Variants in STARD9 observed in about 807,000 individuals in gnomAD.
STARD9 encodes stAR-related lipid transfer protein 9.
Under a neutral mutation model 399.8 loss-of-function variants are expected in STARD9, and 346 were observed. That is an observed-to-expected ratio of 0.87 (90% CI 0.79 to 0.95). The LOEUF (loss-of-function observed/expected upper bound fraction) is 0.95, where lower values mean the gene tolerates loss of function less well. STARD9 is among the 40% of genes least tolerant of loss of function. The probability of loss-of-function intolerance (pLI) is 0.00; values close to 1 mark genes in which losing one functional copy is unlikely to be tolerated. For missense variants in STARD9, 5,832 were observed against 5,667.5 expected (o/e 1.03, Z -0.93); for synonymous variants, 2,203 against 2,143.5 (o/e 1.03, Z -0.77).
intron 7 of STARD9, 95 bp downstream of exon 7, chr15:42,638,907 A>AG (rs2059477571): frequency 1.5e-6 from 1 of 651,866 alleles, no homozygotes; most frequent in South Asian, 2.2e-5. Context: ...TGTAATGAAC[A>AG]CTTATCGTGT....
chr15:42,584,654 G>A (rs1481406493), intron 2 of STARD9, among the ~76,000 whole-genome samples: 1 of 152,136 alleles, frequency 6.6e-6, no homozygotes, highest in Non-Finnish European at 1.5e-5. Flanking sequence ...AGTACCTGGA[G>A]GTCAGTGCAA....
In STARD9 at chr15:42,695,880, G is replaced by T. The variant is rs746694618; in HGVS notation, c.13284G>T (p.Met4428Ile). 1.3e-6 allele frequency: 2 copies of T among 1,536,986 alleles called. No homozygotes were observed. ...GCCAGCTCCAGTTCCCAGAGAATAT[G>T]GTGAGTAGGCAGATGTTGGGAATGA... Reference protein sequence around the residue: ...LSGQLQFPENMGHTNLPDSRD... With the variant: ...LSGQLQFPENIGHTNLPDSRD... Residue 4428 changes from methionine to isoleucine, a missense_variant and splice_region_variant, in exon 26 of 33, where the codon ATG (methionine) becomes ATT (isoleucine). Physicochemically the swap from Met to Ile is conservative, Grantham distance 10 (BLOSUM62 1). Around this residue, in one of 2 missense-constraint regions of STARD9, gnomAD observed 5,828 missense variants for 5,651.1 expected, o/e 1.03. Transcript: ENST00000290607.
At position 42,686,067 on chromosome 15, in the gene STARD9, T is replaced by G. The variant is rs1453064534; in HGVS notation, c.4489T>G (p.Cys1497Gly). The change falls in exon 23 of 33, where the codon TGT (cysteine) becomes GGT (glycine). Residue 1497 changes from cysteine to glycine, a missense_variant. This residue lies in a region of STARD9 where 5,828 missense variants were observed against 5,651.1 expected (regional missense o/e 1.03). Coordinates refer to ENST00000290607, the MANE Select transcript of STARD9 (RefSeq NM_020759.3). ...LQQKYLLELSCPVLEAIGAPK... is the reference protein window; with the variant it reads ...LQQKYLLELSGPVLEAIGAPK... ...GCAGAAGTACCTCCTTGAACTCTCTTGTCCTGTTTTGGAGGCCATAGGAGC... is the reference window on the plus strand; with the variant it reads ...GCAGAAGTACCTCCTTGAACTCTCTGGTCCTGTTTTGGAGGCCATAGGAGC... The G allele has an allele frequency of 1.3e-6, 2 of 1,537,230 alleles. No individual in the cohort carries two copies. The highest frequency in any genetic ancestry group is 1.2e-5 in the South Asian group (1 of 84,058).
At chr15:42,719,442 G>C (rs2061412341) in intron 32 of STARD9, 31 bp from the exon 33 acceptor site, 1 of 1,409,544 alleles carries the variant, frequency 7.1e-7, no homozygotes, top group South Asian at 1.2e-5. Flanking sequence ...AAATCTATTT[G>C]CACCTTAAAT....
intron 4 of STARD9, among the ~76,000 whole-genome samples, chr15:42,637,057 T>G (rs2059432951): frequency 7.5e-6 from 1 of 133,380 alleles, no homozygotes; most frequent in African/African-American, 2.8e-5. Context: ...AGAGTGAAAC[T>G]CCATTTCAAA....
intron 3 of STARD9, among the ~76,000 whole-genome samples, chr15:42,625,496 A>T (rs1177065996): frequency 2.0e-5 from 3 of 149,874 alleles, no homozygotes; most frequent in Admixed American, 2.0e-4. Flanking sequence ...ACTCCCGGCT[A>T]ATTTTTATAT....
intron 3 of STARD9, among the ~76,000 whole-genome samples, chr15:42,631,333 G>A (rs2059327838): frequency 6.6e-6 from 1 of 152,090 alleles, no homozygotes; most frequent in Non-Finnish European, 1.5e-5. Flanking sequence ...TGTAGTCCTA[G>A]TACTTTGTGA....
chr15:42,669,406 G>A (rs1318825515), intron 16 of STARD9, 69 bp downstream of exon 16: 11 of 1,341,886 alleles, frequency 8.2e-6, no homozygotes, highest in Non-Finnish European at 1.1e-5. Flanking sequence ...GAAAAGCTAG[G>A]AGCAGCAGCC....
At chr15:42,719,248 G>A (rs774749070) in intron 32 of STARD9, among the ~76,000 whole-genome samples, 1 of 152,124 alleles carries the variant, frequency 6.6e-6, no homozygotes, top group Non-Finnish European at 1.5e-5. Flanking sequence ...ATGACCTGTT[G>A]GGTTCACCTC....
At position 42,663,470 on chromosome 15, in the gene STARD9, C is replaced by G; in HGVS notation, c.1058C>G (p.Ser353Cys). 1 of 1,537,334 alleles carries G rather than the reference C, an allele frequency of 6.5e-7. No homozygotes were observed. The highest frequency in any genetic ancestry group is 8.7e-7 in the Non-Finnish European group (1 of 1,146,912). The change falls in exon 12 of 33, where the codon TCT becomes TGT. Residue 353 changes from serine (S) to cysteine (C), a missense_variant. Around this residue, in one of 2 missense-constraint regions of STARD9, gnomAD observed 5,828 missense variants for 5,651.1 expected, o/e 1.03. Coordinates refer to ENST00000290607, the MANE Select transcript of STARD9 (RefSeq NM_020759.3). ...CTGAAGGACAGCCTTGGAGGCAACT[C>G]TAAAACCATCATGGTTGCCAGTGAG... ...WLLKDSLGGNSKTIMVATVSP... is the reference protein window; with the variant it reads ...WLLKDSLGGNCKTIMVATVSP...
intron 22 of STARD9, among the ~76,000 whole-genome samples, chr15:42,683,816 A>G (rs1483882374): frequency 6.6e-6 from 1 of 152,224 alleles, no homozygotes; most frequent in Non-Finnish European, 1.5e-5. Flanking sequence ...GTTCCTCATA[A>G]TACCATTTAA....
At chr15:42,665,481 C>A (rs1487270088) in intron 14 of STARD9, among the ~76,000 whole-genome samples, 151 bp downstream of exon 14, 21 of 152,206 alleles carry the variant, frequency 1.4e-4, no homozygotes. Flanking sequence ...ACAGAGATTT[C>A]TCTGATTTCT....
chr15:42,668,801 A>G (rs2060151395), intron 15 of STARD9, among the ~76,000 whole-genome samples: 1 of 152,232 alleles, frequency 6.6e-6, no homozygotes, highest in Non-Finnish European at 1.5e-5. Context: ...GGGTGGGGAA[A>G]GGGAAATTAT....
At position 42,651,037 on chromosome 15, in the gene STARD9, C is replaced by T. The variant is rs776588582; in HGVS notation, c.581C>T (p.Thr194Ile). 10 of 1,533,594 alleles carry T rather than the reference C, an allele frequency of 6.5e-6. No homozygotes were observed. The South Asian group carries it at 9.6e-5, about 15-fold the overall frequency. The allele number at this position is 1,533,594 out of a possible 1,614,324, so 95.0% of individuals were successfully genotyped here. ...YVQGLSQHVVTNYKQVIQLLE... is the reference protein window; with the variant it reads ...YVQGLSQHVVINYKQVIQLLE... Reference sequence around the variant, plus strand: ...ATAGGTTTATCTCAACATGTAGTTACCAATTATAAGCAAGTAATCCAACTC... The same window carrying T: ...ATAGGTTTATCTCAACATGTAGTTATCAATTATAAGCAAGTAATCCAACTC... The change falls in exon 8 of 33, where the codon ACC becomes ATC. Residue 194 changes from threonine to isoleucine, a missense_variant. Thr to Ile is a moderately conservative substitution (Grantham distance 89, BLOSUM62 -1). Coordinates refer to ENST00000290607, the MANE Select transcript of STARD9 (RefSeq NM_020759.3).
At chr15:42,719,386 A>G (rs1322150089) in intron 32 of STARD9, 87 bp from the exon 33 acceptor site, 6 of 830,770 alleles carry the variant, frequency 7.2e-6, no homozygotes, top group South Asian at 1.6e-5. Context: ...CCATCACCAC[A>G]GGCTGAGGGG....
chr15:42,646,764 G>A (rs34070722), intron 7 of STARD9, among the ~76,000 whole-genome samples: 47,925 of 152,208 alleles, frequency 0.31, 10,741 homozygotes, highest in African/African-American at 0.63. Context: ...CTGGCCAACT[G>A]TTGGGCGCAA....
At chr15:42,620,079 C>T (rs1245289329) in intron 3 of STARD9, among the ~76,000 whole-genome samples, 1 of 152,094 alleles carries the variant, frequency 6.6e-6, no homozygotes, top group African/African-American at 2.4e-5. Context: ...GCTCTTTGGG[C>T]CCAGCAGTGG....
At chr15:42,607,051 G>T (rs1370182551) in intron 3 of STARD9, among the ~76,000 whole-genome samples, 1 of 151,392 alleles carries the variant, frequency 6.6e-6, no homozygotes, top group Non-Finnish European at 1.5e-5. Flanking sequence ...GGGCTCAAGT[G>T]ATCCTACCAC....
intron 16 of STARD9, chr15:42,671,339 T>C (rs973740303): frequency 1.3e-5 from 2 of 152,132 alleles, no homozygotes; most frequent in Admixed American, 6.5e-5. Flanking sequence ...AAAGGATTTT[T>C]AGTAAAGCAA....
Sources: gnomAD v4.1 joint callset for allele counts (sites outside exome capture counted in the v4.1 genomes callset) on GRCh38, gnomAD v4.1.1 for gene constraint, gnomAD v4.1.1 regional missense constraint, MANE v1.5 for transcripts, NCBI Gene and HGNC (gene_info 2026-07-23, HGNC 2026-07-21) for gene names.